MTSS1: variants seen among roughly 807,000 people sequenced by gnomAD.
MTSS1 encodes the protein protein MTSS 1.
In MTSS1, 18 loss-of-function variants were observed where a neutral mutation model predicts 79.0. The ratio of observed to expected loss-of-function variants is 0.23; its 90% CI spans 0.16 to 0.34. The LOEUF is 0.34. Among genes scored for constraint, MTSS1 ranks in the 10% least tolerant of loss-of-function variants. MTSS1 has a pLI of 1.00. For synonymous variants in MTSS1, 341 were observed against 368.6 expected (o/e 0.93, Z 0.86); for missense variants, 815 against 986.2 (o/e 0.83, Z 2.33).
intron 3 of MTSS1, among the ~76,000 whole-genome samples, chr8:124,612,574 ATGTGTGTGTGTGTGTG>A (rs58367314): frequency 0.096 from 9,564 of 99,652 alleles, 449 homozygotes; most frequent in South Asian, 0.13. Flanking sequence ...CAAGTTTAAA[ATGTGTGTGTGTGTGTG>A]TGTGTGTGTG....
chr8:124,684,037 A>T (rs1011580215), intron 3 of MTSS1, among the ~76,000 whole-genome samples: 1 of 152,260 alleles, frequency 6.6e-6, no homozygotes, highest in Admixed American at 6.5e-5. Flanking sequence ...AGCCACGGCC[A>T]AAACTTGGAG....
At chr8:124,722,601 T>A (rs1588003184) in intron 1 of MTSS1, among the ~76,000 whole-genome samples, 2 of 152,172 alleles carry the variant, frequency 1.3e-5, no homozygotes, top group South Asian at 4.1e-4. Flanking sequence ...ACTCCTCAAT[T>A]TCATTTTCCT....
chr8:124,612,220 G>C (rs965048269), intron 3 of MTSS1, among the ~76,000 whole-genome samples: 3 of 152,224 alleles, frequency 2.0e-5, no homozygotes, highest in Non-Finnish European at 4.4e-5. Flanking sequence ...ACAAAGAGCA[G>C]CTCCTGACCA....
Position 124,553,596 on chromosome 8 carries a change from C to G in MTSS1, c.1664G>C (p.Ser555Thr). ...TTGGAACATCCGTCGGTAGGACTGG[C>G]TGATGTCGCTGTTTCTTGGAATGGT... is the stretch of plus-strand genomic sequence containing the variant. ...SSTIPRNSDISQSYRRMFQAK... is the reference protein window; with the variant it reads ...SSTIPRNSDITQSYRRMFQAK... The change falls in exon 14 of 14, where the codon AGC (serine) becomes ACC (threonine). Residue 555 changes from serine to threonine, a missense_variant. Ser to Thr is a moderately conservative substitution (Grantham distance 58). Coordinates refer to ENST00000518547, the MANE Select transcript of MTSS1 (RefSeq NM_014751.6). The surrounding 1 kb of genome is among the most constrained non-coding windows in gnomAD (Gnocchi z 6.0). 6.2e-7 allele frequency: 1 copy of G among 1,614,190 alleles called. No homozygotes were observed. The highest frequency in any genetic ancestry group is 8.5e-7 in the Non-Finnish European group (1 of 1,180,034).
chr8:124,721,402 T>G (rs1175698005), intron 1 of MTSS1, among the ~76,000 whole-genome samples: 2 of 135,192 alleles, frequency 1.5e-5, no homozygotes, highest in East Asian at 4.3e-4. Flanking sequence ...ACTTTAACAT[T>G]TAACTCTAAT....
chr8:124,626,032 A>G (rs1311919629), intron 3 of MTSS1, among the ~76,000 whole-genome samples: 1 of 152,212 alleles, frequency 6.6e-6, no homozygotes, highest in Non-Finnish European at 1.5e-5. Flanking sequence ...TGAAGACTGA[A>G]AGGGAGAGGC....
At chr8:124,593,917 C>T (rs1032462117) in intron 3 of MTSS1, among the ~76,000 whole-genome samples, 3 of 152,164 alleles carry the variant, frequency 2.0e-5, no homozygotes, top group Non-Finnish European at 4.4e-5. Flanking sequence ...TTGGTCTACA[C>T]GCTATTACGG....
chr8:124,702,123 T>C (rs1829785766), intron 2 of MTSS1, among the ~76,000 whole-genome samples: 1 of 152,188 alleles, frequency 6.6e-6, no homozygotes, highest in South Asian at 2.1e-4. Flanking sequence ...TCCTCACTGA[T>C]AAAAGGGGAA....
intron 3 of MTSS1, among the ~76,000 whole-genome samples, chr8:124,629,338 C>T (rs1815379870): frequency 6.6e-6 from 1 of 151,338 alleles, no homozygotes; most frequent in Non-Finnish European, 1.5e-5. Flanking sequence ...CACGGTGAAA[C>T]CCAGTCTCTA....
At chr8:124,631,480 C>T (rs1436236064) in intron 3 of MTSS1, among the ~76,000 whole-genome samples, 19 of 152,234 alleles carry the variant, frequency 1.2e-4, no homozygotes, top group Non-Finnish European at 1.5e-5. Context: ...CCACTGCCTC[C>T]TCAGAACTCT....
intron 3 of MTSS1, among the ~76,000 whole-genome samples, chr8:124,593,739 T>A (rs1832266966): frequency 6.6e-6 from 1 of 152,134 alleles, no homozygotes; most frequent in Non-Finnish European, 1.5e-5. Flanking sequence ...AAAGGAAAAA[T>A]GCCCAAGTGA....
At chr8:124,721,837 G>A (rs537209467) in intron 1 of MTSS1, among the ~76,000 whole-genome samples, 2 of 152,310 alleles carry the variant, frequency 1.3e-5, no homozygotes, top group Admixed American at 1.3e-4. Context: ...CCAGGCAGCA[G>A]CATCTCCAAG....
chr8:124,657,903 C>G (rs1323041288), intron 3 of MTSS1, among the ~76,000 whole-genome samples: 1 of 152,176 alleles, frequency 6.6e-6, no homozygotes, highest in African/African-American at 2.4e-5. Context: ...ATCCTAATCT[C>G]CACTGTGATG....
chr8:124,571,079 A>G (rs1469604996), intron 6 of MTSS1, among the ~76,000 whole-genome samples: 1 of 152,158 alleles, frequency 6.6e-6, no homozygotes, highest in South Asian at 2.1e-4. Context: ...TTCCTCAAGG[A>G]TGTAGGAGTA....
chr8:124,630,048 C>T (rs1000324646), intron 3 of MTSS1, among the ~76,000 whole-genome samples: 3 of 152,214 alleles, frequency 2.0e-5, no homozygotes, highest in East Asian at 1.9e-4. Context: ...AAATACTTCA[C>T]CTGCTCCATG....
chr8:124,621,499 T>C (rs1813500974), intron 3 of MTSS1, among the ~76,000 whole-genome samples: 1 of 151,944 alleles, frequency 6.6e-6, no homozygotes, highest in African/African-American at 2.4e-5. Context: ...TCCAATCATA[T>C]AGAAGCACCA....
At chr8:124,644,816 C>T (rs1223572904) in intron 3 of MTSS1, among the ~76,000 whole-genome samples, 1 of 132,644 alleles carries the variant, frequency 7.5e-6, no homozygotes, top group Non-Finnish European at 1.5e-5. Context: ...CTAAGTCATC[C>T]GATTATGATT....
In MTSS1 at chr8:124,556,212, A is replaced by C. The variant is rs775950756; in HGVS notation, c.1404+20T>G. ...CAGGCTGAGGTGGCCCCAACCAGCT[A>C]CTGAGAACAAGAGCATCACCCTGGT... is the stretch of plus-strand genomic sequence containing the variant. On this transcript the variant is annotated intron_variant, in intron 12 of 13. Transcript: ENST00000518547. 2 of 1,614,164 alleles carry C rather than the reference A, an allele frequency of 1.2e-6. No homozygotes were observed. Among genetic ancestry groups the C allele is most frequent in the Non-Finnish European group, 1.7e-6 (2 of 1,179,990 alleles).
chr8:124,570,016 T>A lies in MTSS1; in HGVS notation c.461-1480A>T, dbSNP rs147945189. Among the ~76,000 whole-genome samples, 813 of 152,298 alleles carry A rather than the reference T, an allele frequency of 5.3e-3. 32 individuals carry two copies. Among genetic ancestry groups the A allele is most frequent in the Admixed American group, 0.048 (728 of 15,288 alleles). ...CCATTTGGTCTGAAGAAAGAAAGGGTCAGGGAAAATTGCCTTGGATGTAGG... is the reference window on the plus strand; with the variant it reads ...CCATTTGGTCTGAAGAAAGAAAGGGACAGGGAAAATTGCCTTGGATGTAGG... On this transcript the variant is annotated intron_variant, in intron 6 of 13. Transcript: ENST00000518547.
Sources: gnomAD v4.1 joint callset for allele counts (sites outside exome capture counted in the v4.1 genomes callset) on GRCh38, gnomAD v4.1.1 for gene constraint, Gnocchi (gnomAD v3.1) non-coding constraint, MANE v1.5 for transcripts, NCBI Gene and HGNC (gene_info 2026-07-23, HGNC 2026-07-21) for gene names.